SMAD9: variants seen among roughly 807,000 people sequenced by gnomAD.
SMAD9 encodes the protein SMAD family member 9.
Under a neutral mutation model 46.1 loss-of-function variants are expected in SMAD9, and 36 were observed. The ratio of observed to expected loss-of-function variants is 0.78; its 90% CI spans 0.60 to 1.03. SMAD9 has a LOEUF of 1.03. SMAD9 is among the 50% of genes least tolerant of loss of function. SMAD9 has a pLI of 0.00. For missense variants in SMAD9, 572 were observed against 599.8 expected (o/e 0.95, Z 0.48); for synonymous variants, 245 against 237.1 (o/e 1.03, Z -0.31).
chr13:36,858,696 T>C (rs543341628), intron 5 of SMAD9, among the ~76,000 whole-genome samples: 5 of 152,088 alleles, frequency 3.3e-5, no homozygotes, highest in South Asian at 4.1e-4. Flanking sequence ...AAGCCCACTA[T>C]AGAAAATTTA....
In SMAD9 at chr13:36,893,545, G is replaced by A. The variant is rs112709155; in HGVS notation, c.-186-13670C>T. ...TCTGGAAATAACCCAAATATCCATC[G>A]ACTAGAGGATGAATAAATGACGAAA... On this transcript the variant is annotated intron_variant, in intron 1 of 6. Coordinates refer to ENST00000379826, the MANE Select transcript of SMAD9 (RefSeq NM_001127217.3). Among the ~76,000 whole-genome samples the A allele has an allele frequency of 1.2e-3, 183 of 150,802 alleles. 1 individual carries two copies. Among genetic ancestry groups the A allele is most frequent in the African/African-American group, 4.1e-3 (170 of 41,264 alleles).
At chr13:36,905,339 C>T (rs1345275318) in intron 1 of SMAD9, among the ~76,000 whole-genome samples, 1 of 152,150 alleles carries the variant, frequency 6.6e-6, no homozygotes, top group African/African-American at 2.4e-5. Flanking sequence ...CATTCTTATC[C>T]TGTTCAAAAG....
chr13:36,919,855 C>G (rs1296620207), intron 1 of SMAD9, among the ~76,000 whole-genome samples: 1 of 139,876 alleles, frequency 7.1e-6, no homozygotes, highest in Non-Finnish European at 1.5e-5. Context: ...CCCAGACAGG[C>G]TCCACCAAAA....
intron 6 of SMAD9, chr13:36,852,469 T>G (rs866043356): frequency 1.8e-5 from 18 of 985,420 alleles, no homozygotes; most frequent in Middle Eastern, 5.2e-4. Context: ...CCCAGTTGTC[T>G]TTCCTTCCCA....
intron 6 of SMAD9, chr13:36,852,326 G>A (rs1426594256): frequency 2.0e-6 from 2 of 985,246 alleles, no homozygotes; most frequent in African/African-American, 3.5e-5. Flanking sequence ...AATCATGGCA[G>A]TAAGAAAACT....
At chr13:36,858,538 A>C (rs1467998831) in intron 5 of SMAD9, among the ~76,000 whole-genome samples, 2 of 152,192 alleles carry the variant, frequency 1.3e-5, no homozygotes, top group Non-Finnish European at 2.9e-5. Flanking sequence ...GTTTGGGTCC[A>C]ACTGTACTAC....
rs552798258 is a variant in SMAD9, at chr13:36,919,046, G to T, written c.-187+1070C>A. ...CCAAAGCACTCCACAGTGCCCTGTG[G>T]GTGTGTTTCTCACTGTAAACTACTG... On this transcript the variant is annotated intron_variant, in intron 1 of 6. Transcript: ENST00000379826. Among the ~76,000 whole-genome samples the T allele has an allele frequency of 7.2e-5, 11 of 152,168 alleles. No homozygotes were observed. The South Asian group carries it at 2.3e-3, about 32-fold the overall frequency.
At chr13:36,893,891 T>A (rs966377460) in intron 1 of SMAD9, among the ~76,000 whole-genome samples, 12 of 152,122 alleles carry the variant, frequency 7.9e-5, no homozygotes, top group Admixed American at 6.5e-4. Flanking sequence ...GTTGTATTAT[T>A]ATAATATTCC....
At chr13:36,853,309 G>A (rs940491765) in intron 6 of SMAD9, 110 bp downstream of exon 6, 1 of 959,742 alleles carries the variant, frequency 1.0e-6, no homozygotes, top group African/African-American at 1.6e-5. Context: ...ATAATAAATT[G>A]GTTTTGTCTA....
chr13:36,851,184 A>G (rs1297239879), intron 6 of SMAD9, among the ~76,000 whole-genome samples: 2 of 152,176 alleles, frequency 1.3e-5, no homozygotes, highest in Non-Finnish European at 2.9e-5. Flanking sequence ...CTCGTAGCAG[A>G]GGTTCAGGAG....
intron 5 of SMAD9, among the ~76,000 whole-genome samples, chr13:36,860,705 G>A (rs975579842): frequency 2.6e-5 from 4 of 151,484 alleles, no homozygotes; most frequent in Admixed American, 6.6e-5. Flanking sequence ...CACCCGCCTC[G>A]TCCTCCCAAA....
chr13:36,900,684 TACACACACACACAC>T (rs58756918), intron 1 of SMAD9, among the ~76,000 whole-genome samples: 3,004 of 142,868 alleles, frequency 0.021, 109 homozygotes, highest in African/African-American at 0.072. Flanking sequence ...TCATTATGAC[TACACACACACACAC>T]ACACACACAC....
Position 36,853,820 on chromosome 13 carries a change from C to T in SMAD9, c.1004-145G>A, listed in dbSNP as rs192457279. ...TGAATGAGATGTGTGACCTAAATGC[C>T]GCTTAGTTTAATGATAATCTGTGCT... On this transcript the variant is annotated intron_variant, in intron 5 of 6. Transcript: ENST00000379826. 1.9e-4 allele frequency: 160 copies of T among 831,722 alleles called. 1 individual carries two copies. In the East Asian group the frequency reaches 2.8e-3, roughly 14 times the overall value. The allele number at this position is 831,722 out of a possible 1,614,324, so 51.5% of individuals were successfully genotyped here. A position where few individuals can be genotyped will look rare whatever the true frequency, so the allele number is the denominator to read the frequency against.
rs2058376480 is a variant in SMAD9, at chr13:36,879,215, C to T, written c.412+63G>A. ...CTGTCTGCTGGTGCCCCATCATTCTCCATCAATGGGGCACACGACCTTCAC... is the reference window on the plus strand; with the variant it reads ...CTGTCTGCTGGTGCCCCATCATTCTTCATCAATGGGGCACACGACCTTCAC... On this transcript the variant is annotated intron_variant, in intron 2 of 6. Coordinates refer to ENST00000379826, the MANE Select transcript of SMAD9 (RefSeq NM_001127217.3). The T allele has an allele frequency of 2.9e-6, 4 of 1,366,566 alleles. No individual in the cohort carries two copies. The African/African-American group carries it at 4.3e-5, about 15-fold the overall frequency. The allele number at this position is 1,366,566 out of a possible 1,614,324, so 84.7% of individuals were successfully genotyped here. A position where few individuals can be genotyped will look rare whatever the true frequency, so the allele number is the denominator to read the frequency against.
At chr13:36,912,058 T>C (rs1202477207) in intron 1 of SMAD9, among the ~76,000 whole-genome samples, 1 of 152,186 alleles carries the variant, frequency 6.6e-6, no homozygotes, top group African/African-American at 2.4e-5. Context: ...GCAGTGGAGA[T>C]GGTGTGTCAA....
At position 36,860,885 on chromosome 13, in the gene SMAD9, C is replaced by T. The variant is rs527586314; in HGVS notation, c.1003+4652G>A. Among the ~76,000 whole-genome samples the T allele has an allele frequency of 3.3e-5, 5 of 152,180 alleles. No homozygotes were observed. In the East Asian group the frequency reaches 7.7e-4, roughly 24 times the overall value. ...TTTCTAAGGAAGAATATGGATAGAT[C>T]CCACACTGGAATGAGATGTTCCAGG... On this transcript the variant is annotated intron_variant, in intron 5 of 6. Coordinates refer to ENST00000379826, the MANE Select transcript of SMAD9 (RefSeq NM_001127217.3).
chr13:36,887,327 A>T (rs187326544), intron 1 of SMAD9, among the ~76,000 whole-genome samples: 97 of 140,422 alleles, frequency 6.9e-4, no homozygotes, highest in African/African-American at 2.6e-3. Context: ...GGTTCAAGTG[A>T]TGCTCCTGCC....
At chr13:36,860,451 C>CTT (rs1195704304) in intron 5 of SMAD9, among the ~76,000 whole-genome samples, 3,751 of 135,642 alleles carry the variant, frequency 0.028, 94 homozygotes, top group South Asian at 0.12. Context: ...ATTTTTTTAC[C>CTT]TTTTTTTTTT....
intron 1 of SMAD9, among the ~76,000 whole-genome samples, chr13:36,915,408 T>A (rs1226208718): frequency 1.3e-5 from 2 of 152,172 alleles, no homozygotes; most frequent in Admixed American, 6.5e-5. Context: ...GTTTTCTATT[T>A]ATAGTCCCTC....
Sources: allele counts gnomAD v4.1 joint callset (sites outside exome capture counted in the v4.1 genomes callset), GRCh38; gene constraint gnomAD v4.1.1; transcripts MANE v1.5; gene names NCBI Gene and HGNC (gene_info 2026-07-23, HGNC 2026-07-21).